PDXDC1: variants seen among roughly 807,000 people sequenced by gnomAD.
PDXDC1 encodes pyridoxal-dependent decarboxylase domain-containing protein 1.
In PDXDC1, 42 loss-of-function variants were observed where a neutral mutation model predicts 100.1. The ratio of observed to expected loss-of-function variants is 0.42; its 90% CI spans 0.33 to 0.54. PDXDC1 has a LOEUF of 0.54. PDXDC1 is among the 20% of genes least tolerant of loss of function. The pLI, the probability that PDXDC1 is intolerant of heterozygous loss-of-function variation, is 0.10. For missense variants in PDXDC1, 636 were observed against 979.2 expected (o/e 0.65, Z 4.68); for synonymous variants, 260 against 371.7 (o/e 0.70, Z 3.46).
At chr16:15,039,177 C>G (rs1317537939), downstream of PDXDC1, among the ~76,000 whole-genome samples, 2 of 152,192 alleles carry the variant, frequency 1.3e-5, no homozygotes, top group South Asian at 4.1e-4. Context: ...CCAAATTTGC[C>G]AATGGCAGCC....
chr16:15,019,211 G>A (rs1395628312), intron 12 of PDXDC1, among the ~76,000 whole-genome samples: 2 of 152,264 alleles, frequency 1.3e-5, no homozygotes, highest in East Asian at 3.9e-4. Context: ...GTCAGCATGG[G>A]ATCAGAAAAG....
the PDXDC1 span, among the ~76,000 whole-genome samples, chr16:15,148,594 G>A: frequency 6.6e-6 from 1 of 151,282 alleles, no homozygotes; most frequent in Admixed American, 6.6e-5. Flanking sequence ...CTGTTGCCCA[G>A]GCTGGTGTCA....
At chr16:15,147,781 C>T in the PDXDC1 span, among the ~76,000 whole-genome samples, 1 of 152,036 alleles carries the variant, frequency 6.6e-6, no homozygotes, top group Non-Finnish European at 1.5e-5. Context: ...CTCCGCCTCC[C>T]GGGTTCAAGT....
At chr16:15,017,671 A>G (rs1428671873) in intron 11 of PDXDC1, among the ~76,000 whole-genome samples, 33 of 152,276 alleles carry the variant, frequency 2.2e-4, no homozygotes, top group Admixed American at 1.1e-3. Context: ...TTACTGAAAT[A>G]ATGAAGCAGT....
intron 16 of PDXDC1, chr16:15,048,114 A>T: frequency 6.6e-7 from 1 of 1,523,832 alleles, no homozygotes; most frequent in Non-Finnish European, 9.0e-7. Flanking sequence ...TTAATTAAAA[A>T]AAAAATAAAA....
At chr16:15,010,303 C>T (rs2075034656) in intron 8 of PDXDC1, 1 of 157,414 alleles carries the variant, frequency 6.4e-6, no homozygotes, top group African/African-American at 2.4e-5. Context: ...CTGCCTCAGC[C>T]TCCCAAATTG....
In PDXDC1 at chr16:15,136,025, C is replaced by G; in HGVS notation, c.1400-2854C>G. The G allele has an allele frequency of 2.4e-5, 37 of 1,543,936 alleles. No individual in the cohort carries two copies. In the South Asian group the frequency reaches 4.1e-4, roughly 17 times the overall value. On this transcript the variant is annotated intron_variant, in intron 16 of 16. Transcript: ENST00000535621. Reference sequence around the variant, plus strand: ...TCGGCTGTGGCTGGGTGTGGCTCCCCGGGCAGCCAGTTCTGGCAGCTCTCC... The same window carrying G: ...TCGGCTGTGGCTGGGTGTGGCTCCCGGGGCAGCCAGTTCTGGCAGCTCTCC...
At chr16:15,094,095 G>C (rs745777797) in intron 16 of PDXDC1, 4 of 1,501,964 alleles carry the variant, frequency 2.7e-6, no homozygotes, top group Non-Finnish European at 3.6e-6. Context: ...TCTAAGCGCC[G>C]TCCTGAGCTT....
chr16:15,150,054 G>A, the PDXDC1 span, among the ~76,000 whole-genome samples: 13 of 152,034 alleles, frequency 8.6e-5, no homozygotes, highest in East Asian at 1.9e-4. Flanking sequence ...AGACATCATC[G>A]GACATTTAAA....
downstream of PDXDC1, among the ~76,000 whole-genome samples, chr16:15,140,276 C>T (rs2048447777): frequency 1.3e-5 from 2 of 150,308 alleles, no homozygotes; most frequent in African/African-American, 4.9e-5. Flanking sequence ...GACACCCTGT[C>T]TCTACCAAAA....
At chr16:15,109,702 A>T (rs1245035632) in intron 16 of PDXDC1, among the ~76,000 whole-genome samples, 1 of 119,566 alleles carries the variant, frequency 8.4e-6, no homozygotes, top group Admixed American at 1.0e-4. Flanking sequence ...AAAAAAAAAA[A>T]TTGGCCGAAT....
chr16:15,073,208 G>T (rs2045308842), intron 16 of PDXDC1: 2 of 1,051,282 alleles, frequency 1.9e-6, no homozygotes, highest in Non-Finnish European at 2.8e-6. Context: ...GCTCCTGCCT[G>T]CAATCCCAGC....
At chr16:15,133,181 C>A (rs1023328526) in intron 16 of PDXDC1, 3 of 1,004,308 alleles carry the variant, frequency 3.0e-6, no homozygotes, top group African/African-American at 3.2e-5. Flanking sequence ...ATAAGCCCTC[C>A]GCAAAGCTCC....
intron 16 of PDXDC1, among the ~76,000 whole-genome samples, chr16:15,101,527 G>A (rs1381134730): frequency 3.3e-5 from 5 of 151,356 alleles, no homozygotes; most frequent in Middle Eastern, 3.4e-3. Context: ...TAATAGAGAC[G>A]GGGTTTCACC....
At position 15,035,550 on chromosome 16, in the gene PDXDC1, C is replaced by T; in HGVS notation, c.2104C>T (p.Pro702Ser). The T allele has an allele frequency of 6.3e-7, 1 of 1,599,116 alleles. No individual in the cohort carries two copies. The change falls in exon 22 of 23, where the codon CCA becomes TCA. Residue 702 changes from proline to serine, a missense_variant. Pro to Ser is a moderately conservative substitution (Grantham distance 74, BLOSUM62 -1). Coordinates refer to ENST00000396410, the MANE Select transcript of PDXDC1 (RefSeq NM_015027.4). Reference protein sequence around the residue: ...PSGSRTKQRLPGQKPFKRSLR... With the variant: ...PSGSRTKQRLSGQKPFKRSLR... ...GGGCAGTCGCACCAAGCAGAGGCTT[C>T]CAGGTAAGTGACGCCTCTGCACCGA...
intron 12 of PDXDC1, among the ~76,000 whole-genome samples, 160 bp from the exon 13 acceptor site, chr16:15,022,542 GTT>G (rs2042284728): frequency 6.6e-6 from 1 of 152,304 alleles, no homozygotes; most frequent in Admixed American, 6.5e-5. Context: ...AATATTTACA[GTT>G]GTTGAAATAC....
chr16:15,036,822 G>A lies in PDXDC1; in HGVS notation c.*547G>A, dbSNP rs1051052714. On this transcript the variant is annotated 3_prime_UTR_variant, in exon 23 of 23. Coordinates refer to ENST00000396410, the MANE Select transcript of PDXDC1 (RefSeq NM_015027.4). ...AAGCCCTCCCCAGCTACTGCTCTTC[G>A]TGGAGACTTAGTAAGGACTGTGTCT... is the stretch of plus-strand genomic sequence containing the variant. The A allele has an allele frequency of 1.3e-4, 20 of 159,028 alleles. No individual in the cohort carries two copies. The highest frequency in any genetic ancestry group is 5.3e-4 in the Admixed American group (9 of 17,050). The allele number at this position is 159,028 out of a possible 1,614,324, so 9.9% of individuals were successfully genotyped here.
At chr16:15,016,881 T>C (rs1440077048) in intron 9 of PDXDC1, among the ~76,000 whole-genome samples, 1 of 152,260 alleles carries the variant, frequency 6.6e-6, no homozygotes, top group Non-Finnish European at 1.5e-5. Context: ...AAGAGAAGAA[T>C]ACTCCCATTA....
At chr16:15,017,792 CTTTT>C (rs1245561796) in intron 11 of PDXDC1, among the ~76,000 whole-genome samples, 1 of 146,298 alleles carries the variant, frequency 6.8e-6, no homozygotes, top group African/African-American at 2.5e-5. Context: ...TAGGTTTTAA[CTTTT>C]TTTTTTTTTT....
Sources: gnomAD v4.1 joint callset for allele counts (sites outside exome capture counted in the v4.1 genomes callset) on GRCh38, gnomAD v4.1.1 for gene constraint, MANE v1.5 for transcripts, NCBI Gene and HGNC (gene_info 2026-07-23, HGNC 2026-07-21) for gene names.